The following DVL1 variants were observed in gnomAD, a reference collection of about 807,000 sequenced individuals.
The protein encoded by DVL1 is dishevelled segment polarity protein 1.
Under a neutral mutation model 65.0 loss-of-function variants are expected in DVL1, and 49 were observed. That is an observed-to-expected ratio of 0.75 (90% confidence interval 0.60 to 0.96). DVL1 has a LOEUF of 0.96. Among genes scored for constraint, DVL1 ranks in the 40% least tolerant of loss-of-function variants. The pLI, the probability that DVL1 is intolerant of heterozygous loss-of-function variation, is 0.00. For synonymous variants in DVL1, 608 were observed against 433.9 expected (o/e 1.40, Z -4.99); for missense variants, 1,197 against 1,045.4 (o/e 1.15, Z -2.00).
rs771096309 is a variant in DVL1, at chr1:1,338,130, T to A, written c.1561A>T (p.Thr521Ser). 1 of 1,609,264 alleles carries A rather than the reference T, an allele frequency of 6.2e-7. No homozygotes were observed. The highest frequency in any genetic ancestry group is 1.7e-5 in the Admixed American group (1 of 59,700). Residue 521 changes from threonine (T) to serine (S), a missense_variant, in exon 14 of 15, where the codon ACG becomes TCG. Coordinates refer to ENST00000378888, the MANE Select transcript of DVL1 (RefSeq NM_001330311.2). The stretch of plus-strand genomic sequence containing the variant: ...GCCGGGTGGGGCAGCGGGGCCAGCG[T>A]GTCCTGATCCGAAGTCCCACTGGAG... ...SGSSGTSDQD[T>S]LAPLPHPAAP...
Position 1,339,391 on chromosome 1 carries a change from G to A in DVL1, c.1103C>T (p.Ala368Val), listed in dbSNP as rs532727906. 4.6e-5 allele frequency: 71 copies of A among 1,549,130 alleles called. No homozygotes were observed. Among genetic ancestry groups the A allele is most frequent in the African/African-American group, 9.6e-5 (7 of 73,120 alleles). ...IDPAAWLSHT[A>V]ALTGALPRYG... ...GCGGGGCAGGGCTCCTGTCAGTGCC[G>A]CCGTGTGGGACAGCCAGGCGGCGGG... Residue 368 changes from alanine (A) to valine (V), a missense_variant, in exon 11 of 15, where the codon GCG becomes GTG. Physicochemically the swap from Ala to Val is moderately conservative, Grantham distance 64 (BLOSUM62 0). Coordinates refer to ENST00000378888, the MANE Select transcript of DVL1 (RefSeq NM_001330311.2).
rs552612151 is a variant in DVL1 at position 1,346,601 on chromosome 1, C to G, written c.170+2295G>C. On this transcript the variant is annotated intron_variant, in intron 1 of 14. Coordinates refer to ENST00000378888, the MANE Select transcript of DVL1 (RefSeq NM_001330311.2). ...AGGACAGGCGGGGGACCTTCACCCACTGGGCCAAAGCCGTGCGTGGGGAGT... is the reference window on the plus strand; with the variant it reads ...AGGACAGGCGGGGGACCTTCACCCAGTGGGCCAAAGCCGTGCGTGGGGAGT... Among the ~76,000 whole-genome samples, 128 of 152,368 alleles carry G rather than the reference C, an allele frequency of 8.4e-4. 1 individual carries two copies. Among genetic ancestry groups the G allele is most frequent in the African/African-American group, 2.9e-3 (122 of 41,586 alleles).
rs1206280572 is a variant in DVL1, at chr1:1,342,572, T to C, written c.241-88A>G. On this transcript the variant is annotated intron_variant, in intron 2 of 14. Transcript: ENST00000378888. ...CCCAGGGAACAGGGGGCCAGCAAGCTGCCCTATCCGCACCCAGCCTGCCAG... is the reference window on the plus strand; with the variant it reads ...CCCAGGGAACAGGGGGCCAGCAAGCCGCCCTATCCGCACCCAGCCTGCCAG... 2.5e-6 allele frequency: 4 copies of C among 1,571,528 alleles called. No homozygotes were observed. The African/African-American group carries it at 5.4e-5, about 21-fold the overall frequency.
At position 1,338,443 on chromosome 1, in the gene DVL1, G is replaced by A. The variant is rs747707366; in HGVS notation, c.1340-7C>T. ...CAGTCCACCACGTCCGCCCCTGGCC[G>A]GCACCAGCGGTCAGCCCGCAGCCTC... On this transcript the variant is annotated splice_polypyrimidine_tract_variant and splice_region_variant and intron_variant, in intron 12 of 14. Coordinates refer to ENST00000378888, the MANE Select transcript of DVL1 (RefSeq NM_001330311.2). 6.8e-6 allele frequency: 11 copies of A among 1,608,820 alleles called. No individual in the cohort carries two copies. Among genetic ancestry groups the A allele is most frequent in the Admixed American group, 6.7e-5 (4 of 59,868 alleles).
intron 5 of DVL1, among the ~76,000 whole-genome samples, chr1:1,341,049 G>GCA (rs1309397263): frequency 7.5e-6 from 1 of 132,884 alleles, no homozygotes; most frequent in Admixed American, 7.7e-5. Context: ...ACGCACCCCT[G>GCA]CACACACATG....
At position 1,336,550 on chromosome 1, in the gene DVL1, C is replaced by T. The variant is rs780281987; in HGVS notation, c.1715-35G>A. The T allele has an allele frequency of 3.4e-6, 5 of 1,483,950 alleles. No individual in the cohort carries two copies. The East Asian group carries it at 9.6e-5, about 29-fold the overall frequency. The allele number at this position is 1,483,950 out of a possible 1,614,324, so 91.9% of individuals were successfully genotyped here. The stretch of plus-strand genomic sequence containing the variant: ...AGAACAGGATGGGGAAGGAGCCTGT[C>T]AGCACCAGGCCCGGCCACGTCCAGA... On this transcript the variant is annotated intron_variant, in intron 14 of 14. Transcript: ENST00000378888.
At chr1:1,338,796 T>C in intron 11 of DVL1, 143 bp from the exon 12 acceptor site, 1 of 1,320,648 alleles carries the variant, frequency 7.6e-7, no homozygotes, top group Non-Finnish European at 1.0e-6. Context: ...CCCGGCCCAC[T>C]GCAGGATGCA....
At chr1:1,338,836 G>A (rs995145853) in intron 11 of DVL1, among the ~76,000 whole-genome samples, 183 bp from the exon 12 acceptor site, 13 of 152,316 alleles carry the variant, frequency 8.5e-5, no homozygotes, top group Admixed American at 7.8e-4. Flanking sequence ...TGAGCAGGGG[G>A]GTTGGACATT....
At chr1:1,342,241 G>C in intron 3 of DVL1, 85 bp from the exon 4 acceptor site, 1 of 1,499,738 alleles carries the variant, frequency 6.7e-7, no homozygotes, top group Non-Finnish European at 8.9e-7. Context: ...TCGCCTGTGG[G>C]ACCCCAGCCC....
chr1:1,346,202 G>A (rs1643912594), intron 1 of DVL1, among the ~76,000 whole-genome samples: 1 of 152,096 alleles, frequency 6.6e-6, no homozygotes, highest in African/African-American at 2.4e-5. Flanking sequence ...GCACCACCCA[G>A]GACACAAGGA....
rs1383224499 is a variant in DVL1, at chr1:1,349,194, C to T, written c.-129G>A. 6.2e-6 allele frequency: 3 copies of T among 483,918 alleles called. No individual in the cohort carries two copies. Among genetic ancestry groups the T allele is most frequent in the Non-Finnish European group, 8.0e-6 (3 of 375,224 alleles). 30.0% of individuals were successfully genotyped at this position (483,918 alleles called of 1,614,324 possible). ...TCTCGGCCCCGACGCTCCGAGGCCCCCGGGCGCCCCCGCCCGACCGCCCAG... is the reference window on the plus strand; with the variant it reads ...TCTCGGCCCCGACGCTCCGAGGCCCTCGGGCGCCCCCGCCCGACCGCCCAG... On this transcript the variant is annotated 5_prime_UTR_variant, in exon 1 of 15. Coordinates refer to ENST00000378888, the MANE Select transcript of DVL1 (RefSeq NM_001330311.2). The surrounding 1 kb of genome is among the most constrained non-coding windows in gnomAD (Gnocchi z 4.1).
Position 1,335,933 on chromosome 1 carries a change from A to T in DVL1, c.*209T>A. The stretch of plus-strand genomic sequence containing the variant: ...AGGTCCGAGGCTCTCGCTGAGGGGC[A>T]GAGAGGGAGCGCCCCCAACACGGCT... On this transcript the variant is annotated 3_prime_UTR_variant, in exon 15 of 15. Transcript: ENST00000378888. 1 of 639,244 alleles carries T rather than the reference A, an allele frequency of 1.6e-6. No individual in the cohort carries two copies. The highest frequency in any genetic ancestry group is 2.7e-6 in the Non-Finnish European group (1 of 375,116). The allele number at this position is 639,244 out of a possible 1,614,324, so 39.6% of individuals were successfully genotyped here. A position where few individuals can be genotyped will look rare whatever the true frequency, so the allele number is the denominator to read the frequency against.
chr1:1,337,433 C>T (rs748347167), intron 14 of DVL1, among the ~76,000 whole-genome samples: 1 of 152,198 alleles, frequency 6.6e-6, no homozygotes, highest in Non-Finnish European at 1.5e-5. Context: ...CTAGGATGCA[C>T]GGCACCATCC....
intron 14 of DVL1, 118 bp from the exon 15 acceptor site, chr1:1,336,633 T>G: frequency 7.5e-7 from 1 of 1,336,052 alleles, no homozygotes; most frequent in Non-Finnish European, 9.7e-7. Context: ...GACGGGTGGG[T>G]GGGGCAGCCA....
intron 1 of DVL1, among the ~76,000 whole-genome samples, chr1:1,347,499 C>T (rs1033353829): frequency 4.0e-4 from 61 of 152,242 alleles, no homozygotes; most frequent in African/African-American, 1.3e-3. Context: ...CATCCCAGAG[C>T]ATGGTCCAGG....
chr1:1,339,831 G>GGGT lies in DVL1; in HGVS notation c.910-22_910-20dup. 6.3e-7 allele frequency: 1 copy of GGGT among 1,593,908 alleles called. No homozygotes were observed. Among genetic ancestry groups the GGGT allele is most frequent in the Non-Finnish European group, 8.5e-7 (1 of 1,175,284 alleles). On this transcript the variant is annotated intron_variant, in intron 8 of 14. Transcript: ENST00000378888. Reference sequence around the variant, plus strand: ...CATTCACCTGCAGGGGTGGGGATTAGGGTGGTGCAGGCAGGATGTGCAGCT... The same window carrying GGGT: ...CATTCACCTGCAGGGGTGGGGATTAGGGTGGTGGTGCAGGCAGGATGTGCAGCT...
At chr1:1,345,934 C>T (rs962710976) in intron 1 of DVL1, among the ~76,000 whole-genome samples, 6 of 152,182 alleles carry the variant, frequency 3.9e-5, no homozygotes, top group Non-Finnish European at 4.4e-5. Context: ...ACCAGCCTGT[C>T]CCCTGGGTGG....
In DVL1 at chr1:1,339,302, C is replaced by G; in HGVS notation, c.1192G>C (p.Val398Leu). 3.2e-6 allele frequency: 5 copies of G among 1,548,544 alleles called. No homozygotes were observed. The highest frequency in any genetic ancestry group is 4.4e-6 in the Non-Finnish European group (5 of 1,146,882). ...TGCCACTTACGTGGAGCACCAGGCACGGAGCTGGTTAGTGAGGAGGAGCTG... is the reference window on the plus strand; with the variant it reads ...TGCCACTTACGTGGAGCACCAGGCAGGGAGCTGGTTAGTGAGGAGGAGCTG... ...RTSSSSLTSS[V>L]PGAPQLEEAP... The change falls in exon 11 of 15, where the codon GTG (valine) becomes CTG (leucine). Residue 398 changes from valine to leucine, a missense_variant. Transcript: ENST00000378888.
intron 1 of DVL1, among the ~76,000 whole-genome samples, chr1:1,344,317 G>A (rs1030658886): frequency 2.6e-5 from 4 of 152,174 alleles, no homozygotes; most frequent in African/African-American, 4.8e-5. Flanking sequence ...GTCCCACTGC[G>A]AGCTACAGAG....
Sources: allele counts gnomAD v4.1 joint callset (sites outside exome capture counted in the v4.1 genomes callset), GRCh38; gene constraint gnomAD v4.1.1; non-coding constraint Gnocchi (gnomAD v3.1); transcripts MANE v1.5; gene names NCBI Gene and HGNC (gene_info 2026-07-23, HGNC 2026-07-21).